The following MRAP2 variants were observed in gnomAD, a reference collection of about 807,000 sequenced individuals.
The protein encoded by MRAP2 is melanocortin-2 receptor accessory protein 2.
MRAP2 carries 20 observed loss-of-function variants against 17.4 expected under a neutral mutation model. That is an observed-to-expected ratio of 1.15 (90% CI 0.81 to 1.67). MRAP2 has a LOEUF of 1.67. MRAP2 is among the 40% of genes most tolerant of loss of function. The pLI, the probability that MRAP2 is intolerant of heterozygous loss-of-function variation, is 0.00. For missense variants in MRAP2, 238 were observed against 240.0 expected (o/e 0.99, Z 0.05); for synonymous variants, 96 against 88.4 (o/e 1.09, Z -0.48).
chr6:84,130,164 G>A, the MRAP2 span, among the ~76,000 whole-genome samples: 1 of 152,146 alleles, frequency 6.6e-6, no homozygotes, highest in Non-Finnish European at 1.5e-5. Context: ...TATGTTTATT[G>A]ATTTGCGTAT....
intron 3 of MRAP2, among the ~76,000 whole-genome samples, chr6:84,064,007 C>T (rs534838982): frequency 2.8e-4 from 42 of 151,494 alleles, no homozygotes; most frequent in East Asian, 5.8e-4. Context: ...GTCACACCAC[C>T]GCACTCCAGC....
At chr6:84,087,655 T>A (rs2099500836) in intron 3 of MRAP2, among the ~76,000 whole-genome samples, 1 of 152,216 alleles carries the variant, frequency 6.6e-6, no homozygotes, top group Non-Finnish European at 1.5e-5. Flanking sequence ...AAAGCATAAA[T>A]CTTCAGTCTC....
At chr6:84,056,886 G>T (rs553363260) in intron 2 of MRAP2, among the ~76,000 whole-genome samples, 23 of 152,200 alleles carry the variant, frequency 1.5e-4, no homozygotes, top group Non-Finnish European at 2.9e-4. Context: ...ATTTTTTGAG[G>T]ATATTACATT....
At chr6:84,049,473 A>C (rs577547031) in intron 1 of MRAP2, among the ~76,000 whole-genome samples, 15 of 152,222 alleles carry the variant, frequency 9.9e-5, no homozygotes, top group East Asian at 7.7e-4. Flanking sequence ...ACAACAACAA[A>C]AAACTTACTA....
the MRAP2 span, among the ~76,000 whole-genome samples, chr6:84,115,809 A>T: frequency 6.6e-6 from 1 of 152,066 alleles, no homozygotes; most frequent in African/African-American, 2.4e-5. Context: ...ACAGTCCTTC[A>T]TGGCTTCCCT....
Position 84,089,654 on chromosome 6 carries a change from G to C in MRAP2, c.*173G>C. On this transcript the variant is annotated 3_prime_UTR_variant, in exon 4 of 4. Transcript: ENST00000257776. ...GAGAGCTGAGCTGATTAAGCTGAGT[G>C]GTTTTTTGTTTTGTTTTGTTTTTGC... is the stretch of plus-strand genomic sequence containing the variant. The C allele has an allele frequency of 1.4e-6, 1 of 734,578 alleles. No homozygotes were observed. Among genetic ancestry groups the C allele is most frequent in the East Asian group, 2.7e-5 (1 of 36,590 alleles). 45.5% of individuals were successfully genotyped at this position (734,578 alleles called of 1,614,324 possible).
intron 1 of MRAP2, among the ~76,000 whole-genome samples, chr6:84,041,550 G>C (rs1241508813): frequency 6.6e-6 from 1 of 152,244 alleles, no homozygotes; most frequent in Non-Finnish European, 1.5e-5. Flanking sequence ...GCCAGGAGGG[G>C]GCTGTACCCT....
intron 2 of MRAP2, among the ~76,000 whole-genome samples, chr6:84,056,952 C>A (rs2099491843): frequency 6.6e-6 from 1 of 152,194 alleles, no homozygotes; most frequent in South Asian, 2.1e-4. Flanking sequence ...AGGTGTGACT[C>A]ATTCCTTACT....
At chr6:84,106,646 G>A in the MRAP2 span, among the ~76,000 whole-genome samples, 2 of 152,090 alleles carry the variant, frequency 1.3e-5, no homozygotes, top group Non-Finnish European at 2.9e-5. Context: ...TGATTGTAGG[G>A]TACTCCCCTG....
the MRAP2 span, among the ~76,000 whole-genome samples, chr6:84,102,395 G>C: frequency 6.6e-6 from 1 of 152,182 alleles, no homozygotes; most frequent in Non-Finnish European, 1.5e-5. Flanking sequence ...TAGAGCTTGA[G>C]GGAGATGTGA....
downstream of MRAP2, among the ~76,000 whole-genome samples, chr6:84,093,994 C>G (rs1046187448): frequency 6.6e-6 from 1 of 152,114 alleles, no homozygotes; most frequent in Non-Finnish European, 1.5e-5. Context: ...AACGAACCAG[C>G]CTGGCTGTCT....
At chr6:84,058,708 A>T (rs1487862241) in intron 2 of MRAP2, among the ~76,000 whole-genome samples, 1 of 152,180 alleles carries the variant, frequency 6.6e-6, no homozygotes, top group Admixed American at 6.5e-5. Flanking sequence ...GGAGGGTTGC[A>T]TAGCAGCATA....
At chr6:84,132,749 C>CT in the MRAP2 span, among the ~76,000 whole-genome samples, 1 of 152,118 alleles carries the variant, frequency 6.6e-6, no homozygotes, top group African/African-American at 2.4e-5. Context: ...TTCGTCTACT[C>CT]TTTTTTCAAG....
the MRAP2 span, among the ~76,000 whole-genome samples, chr6:84,120,168 G>T: frequency 6.6e-6 from 1 of 152,154 alleles, no homozygotes; most frequent in Non-Finnish European, 1.5e-5. Flanking sequence ...GGGTGTCTTA[G>T]CTCCAGAGAG....
intron 1 of MRAP2, among the ~76,000 whole-genome samples, chr6:84,037,335 G>C (rs747304487): frequency 1.6e-4 from 24 of 152,230 alleles, no homozygotes; most frequent in Non-Finnish European, 3.2e-4. Flanking sequence ...ACAGAGTGCT[G>C]ATTGGTGCAT....
the MRAP2 span, among the ~76,000 whole-genome samples, chr6:84,121,075 T>A: frequency 1.1e-4 from 16 of 143,426 alleles, no homozygotes; most frequent in African/African-American, 2.7e-4. Flanking sequence ...TTTTATTTTT[T>A]AATTTTTTTT....
the MRAP2 span, among the ~76,000 whole-genome samples, chr6:84,121,076 A>T: frequency 2.0e-3 from 281 of 143,192 alleles, no homozygotes; most frequent in African/African-American, 7.4e-3. Context: ...TTTATTTTTT[A>T]ATTTTTTTTT....
intron 1 of MRAP2, chr6:84,052,887 G>T: frequency 3.1e-6 from 2 of 644,484 alleles, no homozygotes; most frequent in Non-Finnish European, 3.9e-6. Flanking sequence ...ATTACCCTTT[G>T]GTAATGCCCT....
rs79740351 is a variant in MRAP2 at position 84,038,900 on chromosome 6, G to A, written c.-8+5017G>A. Among the ~76,000 whole-genome samples, 459 of 152,306 alleles carry A rather than the reference G, an allele frequency of 3.0e-3. 2 individuals are homozygous for A. The highest frequency in any genetic ancestry group is 4.5e-3 in the Admixed American group (69 of 15,302). On this transcript the variant is annotated intron_variant, in intron 1 of 3. Coordinates refer to ENST00000257776, the MANE Select transcript of MRAP2 (RefSeq NM_138409.4). ...GAATCCCTTGAGTGTATTTTGAGGC[G>A]CAATAGAAAACCAAAATACAGTTGA...
Sources: allele counts gnomAD v4.1 joint callset (sites outside exome capture counted in the v4.1 genomes callset), GRCh38; gene constraint gnomAD v4.1.1; transcripts MANE v1.5; gene names NCBI Gene and HGNC (gene_info 2026-07-23, HGNC 2026-07-21).